TTLL5: variants seen among roughly 807,000 people sequenced by gnomAD.
The protein encoded by TTLL5 is tubulin tyrosine ligase like 5.
Under a neutral mutation model 168.4 loss-of-function variants are expected in TTLL5, and 132 were observed. The ratio of observed to expected loss-of-function variants is 0.78; its 90% confidence interval spans 0.68 to 0.91. The LOEUF is 0.91. Among genes scored for constraint, TTLL5 ranks in the 40% least tolerant of loss-of-function variants. The pLI, the probability that TTLL5 is intolerant of heterozygous loss-of-function variation, is 0.00. For synonymous variants in TTLL5, 546 were observed against 558.6 expected (o/e 0.98, Z 0.32); for missense variants, 1,545 against 1,581.5 (o/e 0.98, Z 0.39).
chr14:75,824,688 C>G (rs1895019548), intron 28 of TTLL5, among the ~76,000 whole-genome samples: 1 of 149,416 alleles, frequency 6.7e-6, no homozygotes, highest in South Asian at 2.1e-4. Flanking sequence ...CTGAACTATA[C>G]ATGTAAAAAT....
At chr14:75,777,595 G>T (rs573666809) in intron 23 of TTLL5, among the ~76,000 whole-genome samples, 1 of 152,004 alleles carries the variant, frequency 6.6e-6, no homozygotes, top group Non-Finnish European at 1.5e-5. Context: ...TTACACTGGA[G>T]GATTTTTTTC....
intron 31 of TTLL5, among the ~76,000 whole-genome samples, chr14:75,912,044 T>C (rs922761407): frequency 1.5e-5 from 2 of 130,626 alleles, no homozygotes; most frequent in African/African-American, 2.9e-5. Context: ...CTTTACTGGC[T>C]GAACAGCAGC....
chr14:75,732,328 G>A lies in TTLL5; in HGVS notation c.1043-10G>A, dbSNP rs1393443434. 6.2e-7 allele frequency: 1 copy of A among 1,612,164 alleles called. No individual in the cohort carries two copies. The highest frequency in any genetic ancestry group is 2.2e-5 in the East Asian group (1 of 44,792). Reference sequence around the variant, plus strand: ...ATGATCTTGTGTATTGTGTTGTGTTGTATTTCTAGAACTCTATGGCTTTGA... The same window carrying A: ...ATGATCTTGTGTATTGTGTTGTGTTATATTTCTAGAACTCTATGGCTTTGA... On this transcript the variant is annotated splice_polypyrimidine_tract_variant and intron_variant, in intron 12 of 31. Transcript: ENST00000298832.
At chr14:75,691,892 C>A (rs1025650885) in intron 6 of TTLL5, among the ~76,000 whole-genome samples, 1 of 152,180 alleles carries the variant, frequency 6.6e-6, no homozygotes, top group African/African-American at 2.4e-5. Flanking sequence ...CAGAGGAGAC[C>A]AGCAGTTCAT....
At chr14:75,685,524 T>C (rs1483126346) in intron 5 of TTLL5, among the ~76,000 whole-genome samples, 1 of 152,164 alleles carries the variant, frequency 6.6e-6, no homozygotes, top group Non-Finnish European at 1.5e-5. Context: ...TTTCCCCAAA[T>C]TATTCTAGGA....
chr14:75,707,405 CG>C (rs1566822150), intron 8 of TTLL5, among the ~76,000 whole-genome samples: 1 of 151,570 alleles, frequency 6.6e-6, no homozygotes, highest in East Asian at 1.9e-4. Context: ...ATACATTATA[CG>C]GTTTTTATTA....
At chr14:75,908,838 G>A (rs993042208) in intron 31 of TTLL5, among the ~76,000 whole-genome samples, 8 of 152,128 alleles carry the variant, frequency 5.3e-5, no homozygotes, top group African/African-American at 1.9e-4. Flanking sequence ...GTGCAGTGGT[G>A]TGATCACGGC....
At chr14:75,784,364 G>T (rs571446786) in intron 26 of TTLL5, among the ~76,000 whole-genome samples, 1 of 152,308 alleles carries the variant, frequency 6.6e-6, no homozygotes, top group African/African-American at 2.4e-5. Flanking sequence ...GGTCTTTTGT[G>T]AATGGCTGCT....
chr14:75,810,954 A>G (rs1263332911), intron 27 of TTLL5, among the ~76,000 whole-genome samples: 1 of 152,158 alleles, frequency 6.6e-6, no homozygotes, highest in Non-Finnish European at 1.5e-5. Flanking sequence ...GTCACTGATC[A>G]TTTTATTTCC....
chr14:75,690,310 G>A lies in TTLL5; in HGVS notation c.490G>A (p.Ala164Thr), dbSNP rs143151165. Residue 164 changes from alanine to threonine, a missense_variant, in exon 6 of 32, where the codon GCG becomes ACG. Ala to Thr is a moderately conservative substitution (Grantham distance 58). Coordinates refer to ENST00000298832, the MANE Select transcript of TTLL5 (RefSeq NM_015072.5). ...PQTFLLPAEYAEFCNSYSKDR... is the reference protein window; with the variant it reads ...PQTFLLPAEYTEFCNSYSKDR... ...GACCTTCCTCCTGCCAGCTGAGTAC[G>A]CGGAATTTTGTAGTAAGTGCTTGAC... 1.0e-4 allele frequency: 167 copies of A among 1,606,436 alleles called. 1 individual carries two copies. The African/African-American group carries it at 2.0e-3, about 19-fold the overall frequency.
intron 30 of TTLL5, among the ~76,000 whole-genome samples, chr14:75,884,869 TAA>T (rs763253279): frequency 1.4e-5 from 2 of 141,232 alleles, no homozygotes. Flanking sequence ...CTGATAAAGT[TAA>T]AAAAAAAAAA....
At chr14:75,937,976 C>T (rs12884536) in intron 31 of TTLL5, among the ~76,000 whole-genome samples, 118,404 of 152,158 alleles carry the variant, frequency 0.78, 46,166 homozygotes, top group Admixed American at 0.83. Flanking sequence ...CCCCACCAGC[C>T]GCACACAAGG....
At chr14:75,771,934 G>A in intron 21 of TTLL5, 80 bp downstream of exon 21, 3 of 1,473,264 alleles carry the variant, frequency 2.0e-6, no homozygotes, top group South Asian at 2.7e-5. Flanking sequence ...TTTCCTATTA[G>A]GGTAAAGTGC....
intron 31 of TTLL5, among the ~76,000 whole-genome samples, chr14:75,943,772 G>A (rs941125395): frequency 2.0e-5 from 3 of 152,156 alleles, no homozygotes; most frequent in African/African-American, 7.2e-5. Context: ...TTGCCAAATA[G>A]TGCAAAATAA....
intron 27 of TTLL5, among the ~76,000 whole-genome samples, chr14:75,816,984 T>TA (rs1555348569): frequency 2.1e-5 from 3 of 143,840 alleles, no homozygotes; most frequent in Non-Finnish European, 4.6e-5. Flanking sequence ...ATTTTTTTTT[T>TA]TTTTTTTTTT....
chr14:75,896,881 A>G (rs545369609), intron 30 of TTLL5, among the ~76,000 whole-genome samples: 1 of 152,316 alleles, frequency 6.6e-6, no homozygotes, highest in East Asian at 1.9e-4. Context: ...GGTTTTATGT[A>G]TAAATATATG....
chr14:75,924,862 G>A (rs2033959292), intron 31 of TTLL5, among the ~76,000 whole-genome samples: 4 of 151,812 alleles, frequency 2.6e-5, no homozygotes, highest in Non-Finnish European at 2.9e-5. Context: ...AGGGGCGGCC[G>A]GGCAGAGGCG....
chr14:75,952,732 ATTATG>A (rs1242557034), intron 31 of TTLL5, among the ~76,000 whole-genome samples: 20 of 152,194 alleles, frequency 1.3e-4, no homozygotes, highest in Admixed American at 1.3e-3. Context: ...CCTTTAAAAC[ATTATG>A]TTAAGTGAAA....
chr14:75,692,037 A>G (rs1885503063), intron 6 of TTLL5, among the ~76,000 whole-genome samples: 2 of 152,230 alleles, frequency 1.3e-5, no homozygotes, highest in South Asian at 4.1e-4. Flanking sequence ...AATCAACTTC[A>G]GAACTTCAGT....
Sources: allele counts gnomAD v4.1 joint callset (sites outside exome capture counted in the v4.1 genomes callset), GRCh38; gene constraint gnomAD v4.1.1; transcripts MANE v1.5; gene names NCBI Gene and HGNC (gene_info 2026-07-23, HGNC 2026-07-21).